ABL2: variants seen among roughly 807,000 people sequenced by gnomAD.
ABL2 encodes tyrosine-protein kinase ABL2.
Under a neutral mutation model 107.7 loss-of-function variants are expected in ABL2, and 49 were observed. The ratio of observed to expected loss-of-function variants is 0.45; its 90% CI spans 0.36 to 0.58. The LOEUF is 0.58. Among genes scored for constraint, ABL2 ranks in the 20% least tolerant of loss-of-function variants. The pLI is 0.00. For synonymous variants in ABL2, 549 were observed against 548.6 expected (o/e 1.00, Z -0.01); for missense variants, 1,245 against 1,457.0 (o/e 0.85, Z 2.37).
intron 1 of ABL2, among the ~76,000 whole-genome samples, chr1:179,165,817 C>T (rs186141264): frequency 2.0e-5 from 3 of 150,162 alleles, no homozygotes; most frequent in African/African-American, 2.5e-5. Context: ...TTTTTCCAGA[C>T]GGAGTTTCGC....
Position 179,110,429 on chromosome 1 carries a change from C to A in ABL2, c.1678G>T (p.Ala560Ser), listed in dbSNP as rs1315040195. 6.2e-7 allele frequency: 1 copy of A among 1,613,580 alleles called. No homozygotes were observed. The highest frequency in any genetic ancestry group is 2.2e-5 in the East Asian group (1 of 44,876). ...EEVAEELGRA[A>S]SSSSVVPYLP... is the part of the protein sequence containing the mutation. ...TATGGAACAACAGATGACGAGGAGG[C>A]GGCTCTCCCAAGCTCCTCAGCTACC... Residue 560 changes from alanine (A) to serine (S), a missense_variant, in exon 11 of 12, where the codon GCC becomes TCC. Physicochemically the swap from Ala to Ser is moderately conservative, Grantham distance 99. Coordinates refer to ENST00000502732, the MANE Select transcript of ABL2 (RefSeq NM_007314.4).
chr1:179,206,247 T>C (rs1034563214), intron 1 of ABL2, among the ~76,000 whole-genome samples: 3 of 152,136 alleles, frequency 2.0e-5, no homozygotes, highest in East Asian at 1.9e-4. Flanking sequence ...AGTGCAGAAA[T>C]AGAATCAAAT....
At chr1:179,114,504 A>T (rs1340805444) in intron 9 of ABL2, among the ~76,000 whole-genome samples, 2 of 139,036 alleles carry the variant, frequency 1.4e-5, no homozygotes, top group Non-Finnish European at 3.1e-5. Context: ...TTTCATCTGC[A>T]AGCAATCGGA....
chr1:179,202,357 T>C (rs1346502284), intron 1 of ABL2, among the ~76,000 whole-genome samples: 3 of 152,192 alleles, frequency 2.0e-5, no homozygotes, highest in Non-Finnish European at 4.4e-5. Flanking sequence ...TCCCTCTTCT[T>C]AAAAGAAATT....
chr1:179,114,466 A>C (rs550720241), intron 9 of ABL2, among the ~76,000 whole-genome samples: 1 of 152,294 alleles, frequency 6.6e-6, no homozygotes, highest in South Asian at 2.1e-4. Flanking sequence ...AAACCCTGCA[A>C]TTTAATCCAC....
At chr1:179,138,964 C>T (rs1036004108) in intron 1 of ABL2, among the ~76,000 whole-genome samples, 7 of 152,206 alleles carry the variant, frequency 4.6e-5, no homozygotes, top group South Asian at 2.1e-4. Context: ...CTGTCAGCCC[C>T]GGGCAATGAG....
At chr1:179,203,427 A>T (rs568447719) in intron 1 of ABL2, among the ~76,000 whole-genome samples, 1 of 152,270 alleles carries the variant, frequency 6.6e-6, no homozygotes, top group South Asian at 2.1e-4. Context: ...ATCAGTACAG[A>T]CTGCCCTCTC....
At chr1:179,201,657 G>A (rs952034517) in intron 1 of ABL2, 17 of 513,660 alleles carry the variant, frequency 3.3e-5, no homozygotes, top group Admixed American at 7.6e-5. Flanking sequence ...TCGGGATAGC[G>A]TGTCCTCTTG....
chr1:179,208,294 G>GC (rs141516438), intron 1 of ABL2, among the ~76,000 whole-genome samples: 180 of 151,160 alleles, frequency 1.2e-3, no homozygotes, highest in Middle Eastern at 3.4e-3. Flanking sequence ...TTCAACCCTT[G>GC]CCCCCCCCAT....
chr1:179,162,997 A>G (rs1659161740), intron 1 of ABL2, among the ~76,000 whole-genome samples: 2 of 152,196 alleles, frequency 1.3e-5, no homozygotes, highest in Admixed American at 1.3e-4. Flanking sequence ...AAGCAATGGG[A>G]ACAAGAAACA....
At chr1:179,226,059 A>G (rs1171547919) in intron 1 of ABL2, among the ~76,000 whole-genome samples, 2 of 149,918 alleles carry the variant, frequency 1.3e-5, no homozygotes, top group Non-Finnish European at 3.0e-5. Flanking sequence ...AAAAAAAAAA[A>G]AAAAAAAAAA....
At chr1:179,139,656 G>A (rs1208706399) in intron 1 of ABL2, among the ~76,000 whole-genome samples, 1 of 152,088 alleles carries the variant, frequency 6.6e-6, no homozygotes, top group Admixed American at 6.5e-5. Context: ...CTAGGTAAGG[G>A]GACCCCAACC....
At position 179,174,895 on chromosome 1, in the gene ABL2, C is replaced by CA. The variant is rs1161355678; in HGVS notation, c.158-41522dup. Among the ~76,000 whole-genome samples, 323 of 33,618 alleles carry CA rather than the reference C, an allele frequency of 9.6e-3. 1 individual carries two copies. The highest frequency in any genetic ancestry group is 0.013 in the African/African-American group (134 of 10,552). 22.1% of individuals were successfully genotyped at this position (33,618 alleles called of 152,430 possible). On this transcript the variant is annotated intron_variant, in intron 1 of 11. Transcript: ENST00000502732. ...GGGTGACAGAGCAGAGACTCTGTCT[C>CA]AAAAAAAAAAAAATAAAATAAAAAA...
intron 1 of ABL2, among the ~76,000 whole-genome samples, chr1:179,135,442 AC>A (rs1557942232): frequency 7.9e-6 from 1 of 126,556 alleles, no homozygotes; most frequent in African/African-American, 3.1e-5. Context: ...AAGTGAGGAG[AC>A]CCTCCGCCTG....
intron 1 of ABL2, among the ~76,000 whole-genome samples, chr1:179,205,404 A>G (rs573333096): frequency 5.9e-5 from 9 of 152,360 alleles, no homozygotes; most frequent in Admixed American, 3.3e-4. Context: ...GCCCCCCGGC[A>G]TTACATGAGA....
At chr1:179,149,979 C>G (rs1009109131) in intron 1 of ABL2, among the ~76,000 whole-genome samples, 10 of 152,184 alleles carry the variant, frequency 6.6e-5, no homozygotes, top group Non-Finnish European at 1.5e-4. Flanking sequence ...TGCCTGCAAT[C>G]CCAGTACTTT....
At chr1:179,175,281 T>A (rs1418450394) in intron 1 of ABL2, among the ~76,000 whole-genome samples, 1 of 147,738 alleles carries the variant, frequency 6.8e-6, no homozygotes, top group Non-Finnish European at 1.5e-5. Context: ...ATAGCCACAA[T>A]AGCAATAGGA....
At chr1:179,229,207 C>CCCCCCCCCCCCCCCCCCA in intron 1 of ABL2, 34 bp downstream of exon 1, 3 of 1,485,448 alleles carry the variant, frequency 2.0e-6, no homozygotes, top group Non-Finnish European at 1.8e-6. Context: ...CCGGCCTCCC[C>CCCCCCCCCCCCCCCCCCA]CACGCTCTCA....
In ABL2 at chr1:179,131,396, G is replaced by C; in HGVS notation, c.306C>G (p.Leu102=). The part of the protein sequence containing the change: ...AIRWSSKENL[L]GATESDPNLF... ...GATTAGGGTCACTCTCAGTGGCTCC[G>C]AGCAAGTTCTCCTTGGAGCTCCACC... The change falls in exon 3 of 12, where the codon CTC becomes CTG. Residue 102 remains leucine, a synonymous_variant. Transcript: ENST00000502732. The C allele has an allele frequency of 6.2e-7, 1 of 1,614,094 alleles. No homozygotes were observed. Among genetic ancestry groups the C allele is most frequent in the South Asian group, 1.1e-5 (1 of 91,080 alleles).
Sources: allele counts gnomAD v4.1 joint callset (sites outside exome capture counted in the v4.1 genomes callset), GRCh38; gene constraint gnomAD v4.1.1; transcripts MANE v1.5; gene names NCBI Gene and HGNC (gene_info 2026-07-23, HGNC 2026-07-21).